MUL1: variants seen among roughly 807,000 people sequenced by gnomAD.
The protein encoded by MUL1 is mitochondrial E3 ubiquitin protein ligase 1, also known as mitochondrial ubiquitin ligase activator of NFKB 1.
A neutral mutation model predicts 34.1 loss-of-function variants in MUL1; 30 were observed. The ratio of observed to expected loss-of-function variants is 0.88; its 90% CI spans 0.66 to 1.19. The LOEUF (loss-of-function observed/expected upper bound fraction) is 1.19, where lower values mean the gene tolerates loss of function less well. MUL1 is among the 50% of genes most tolerant of loss of function. The pLI, the probability that MUL1 is intolerant of heterozygous loss-of-function variation, is 0.00. For synonymous variants in MUL1, 191 were observed against 187.8 expected (o/e 1.02, Z -0.14); for missense variants, 419 against 450.5 (o/e 0.93, Z 0.63).
rs1034425491 is a variant in MUL1, at chr1:20,501,597, A to G, written c.330-178T>C. 2.6e-5 allele frequency among the ~76,000 whole-genome samples: 4 copies of G among 152,334 alleles called. No individual in the cohort carries two copies. The highest frequency in any genetic ancestry group is 4.4e-5 in the Non-Finnish European group (3 of 68,030). On this transcript the variant is annotated intron_variant, in intron 3 of 3. Transcript: ENST00000264198. The surrounding 1 kb of genome is among the most constrained non-coding windows in gnomAD (Gnocchi z 4.2). ...GGCTCCATTTGTAGGTCCTGGGGCG[A>G]TATCAGTGGGCAACAAATAACCGCC...
rs1438907180 is a variant in MUL1, at chr1:20,502,652, G to GC, written c.209-464dup. On this transcript the variant is annotated intron_variant, in intron 2 of 3. Transcript: ENST00000264198. ...GGGTTCAAGCAATTCTCCTGCCTCA[G>GC]CCCCCCGAGTAGCTGGGATTACGGG... Among the ~76,000 whole-genome samples, 8 of 151,678 alleles carry GC rather than the reference G, an allele frequency of 5.3e-5. No homozygotes were observed. The South Asian group carries it at 1.5e-3, about 28-fold the overall frequency.
At chr1:20,507,420 C>T (rs2051726557) in intron 1 of MUL1, among the ~76,000 whole-genome samples, 1 of 152,166 alleles carries the variant, frequency 6.6e-6, no homozygotes, top group South Asian at 2.1e-4. Flanking sequence ...CCCTCATCTC[C>T]TCCTAGGCTC....
Position 20,500,772 on chromosome 1 carries a change from C to A in MUL1, c.977G>T (p.Cys326Phe), listed in dbSNP as rs1261289003. 4 of 1,613,960 alleles carry A rather than the reference C, an allele frequency of 2.5e-6. No homozygotes were observed. The highest frequency in any genetic ancestry group is 3.4e-6 in the Non-Finnish European group (4 of 1,179,976). The change falls in exon 4 of 4, where the codon TGC becomes TTC. Residue 326 changes from cysteine (C) to phenylalanine (F), a missense_variant. Transcript: ENST00000264198. ...ECGHVCSCTE[C>F]YRALPEPKKC... ...CTTGGGCTCTGGCAAGGCGCGGTAG[C>A]ACTCGGTGCAGGAACAAACGTGCCC...
At chr1:20,504,613 C>A (rs1364230169) in intron 1 of MUL1, among the ~76,000 whole-genome samples, 1 of 152,192 alleles carries the variant, frequency 6.6e-6, no homozygotes, top group Non-Finnish European at 1.5e-5. Context: ...ACCAAAATGA[C>A]AGCAATAACA....
chr1:20,500,922 T>A lies in MUL1; in HGVS notation c.827A>T (p.Gln276Leu). ...RQERLRLKQM[Q>L]EEFQEHEAQL... ...GGCCTCATGCTCCTGGAACTCCTCC[T>A]GCATCTGCTTGAGGCGCAGGCGCTC... The change falls in exon 4 of 4, where the codon CAG (glutamine) becomes CTG (leucine). Residue 276 changes from glutamine (Q) to leucine (L), a missense_variant. Coordinates refer to ENST00000264198, the MANE Select transcript of MUL1 (RefSeq NM_024544.3). 1 of 1,614,150 alleles carries A rather than the reference T, an allele frequency of 6.2e-7. No individual in the cohort carries two copies. Among genetic ancestry groups the A allele is most frequent in the Non-Finnish European group, 8.5e-7 (1 of 1,180,050 alleles).
rs368225783 is a variant in MUL1, at chr1:20,507,889, C to A, written c.120+16G>T. ...AGAGATGACCCGGCTGAGGCCAGGC[C>A]GGCTCCAGCACTGACCTTGAGCTCT... On this transcript the variant is annotated intron_variant, in intron 1 of 3. Coordinates refer to ENST00000264198, the MANE Select transcript of MUL1 (RefSeq NM_024544.3). 3.8e-6 allele frequency: 6 copies of A among 1,595,304 alleles called. No homozygotes were observed. The East Asian group carries it at 1.1e-4, about 30-fold the overall frequency.
rs2051641499 is a variant in MUL1, at chr1:20,500,374, C to T, written c.*316G>A. The T allele has an allele frequency of 4.4e-6, 1 of 227,502 alleles. No homozygotes were observed. The highest frequency in any genetic ancestry group is 9.0e-5 in the East Asian group (1 of 11,086). The allele number at this position is 227,502 out of a possible 1,614,324, so 14.1% of individuals were successfully genotyped here. On this transcript the variant is annotated 3_prime_UTR_variant, in exon 4 of 4. Coordinates refer to ENST00000264198, the MANE Select transcript of MUL1 (RefSeq NM_024544.3). ...ACAGGAACAGAAGAGCTGCTGATCACTGGCTTTGGTGCTTAAGTGATGAGG... is the reference window on the plus strand; with the variant it reads ...ACAGGAACAGAAGAGCTGCTGATCATTGGCTTTGGTGCTTAAGTGATGAGG...
Position 20,503,209 on chromosome 1 carries a change from T to C in MUL1, c.208+13A>G. On this transcript the variant is annotated intron_variant, in intron 2 of 3. Transcript: ENST00000264198. ...AAAGACGTTGTTTTCCATTGACCAA[T>C]AAGCAAACATACCTTCTATAACAGC... 6.4e-7 allele frequency: 1 copy of C among 1,551,334 alleles called. No homozygotes were observed. Among genetic ancestry groups the C allele is most frequent in the Non-Finnish European group, 8.8e-7 (1 of 1,137,718 alleles).
chr1:20,505,139 T>C (rs1254106924), intron 1 of MUL1, among the ~76,000 whole-genome samples: 2 of 152,142 alleles, frequency 1.3e-5, no homozygotes, highest in African/African-American at 2.4e-5. Flanking sequence ...ACAGGATTTT[T>C]ATGTGGGTTA....
Position 20,500,971 on chromosome 1 carries a change from G to T in MUL1, c.778C>A (p.Arg260=). The change falls in exon 4 of 4, where the codon CGG becomes AGG. Residue 260 remains arginine, a synonymous_variant. Coordinates refer to ENST00000264198, the MANE Select transcript of MUL1 (RefSeq NM_024544.3). ...TCCTGCCGCTGCAGATACTGCTTCC[G>T]GAGAATGAAGAAGAGGGTGGCACAT... is the stretch of plus-strand genomic sequence containing the variant. ...ATCATLFFIL[R]KQYLQRQERL... 6.2e-7 allele frequency: 1 copy of T among 1,614,042 alleles called. No individual in the cohort carries two copies. Among genetic ancestry groups the T allele is most frequent in the Non-Finnish European group, 8.5e-7 (1 of 1,180,044 alleles).
rs6700034 is a variant in MUL1, at chr1:20,508,117, C to A, written c.-93G>T. 173,769 of 1,466,014 alleles carry A rather than the reference C, an allele frequency of 0.12. 11,016 individuals carry two copies. The highest frequency in any genetic ancestry group is 0.15 in the Middle Eastern group (614 of 4,034). 90.8% of individuals were successfully genotyped at this position (1,466,014 alleles called of 1,614,324 possible). ...CTCCTTCCGACCAGGACCGCACCCC[C>A]CCGGCCTAACCTGACCGGAAACTCG... On this transcript the variant is annotated 5_prime_UTR_variant, in exon 1 of 4. Transcript: ENST00000264198.
chr1:20,502,443 G>A (rs1212301229), intron 2 of MUL1, among the ~76,000 whole-genome samples: 6 of 152,164 alleles, frequency 3.9e-5, no homozygotes, highest in African/African-American at 1.4e-4. Flanking sequence ...CAGATACTTG[G>A]GAGGCTGAGG....
rs897323695 is a variant in MUL1 at position 20,500,986 on chromosome 1, G to A, written c.763C>T (p.Leu255Phe). The A allele has an allele frequency of 8.7e-6, 14 of 1,613,940 alleles. No individual in the cohort carries two copies. Among genetic ancestry groups the A allele is most frequent in the Non-Finnish European group, 1.2e-5 (14 of 1,180,056 alleles). ...TACTGCTTCCGGAGAATGAAGAAGAGGGTGGCACATGTGGCAAAGCCAAAA... is the reference window on the plus strand; with the variant it reads ...TACTGCTTCCGGAGAATGAAGAAGAAGGTGGCACATGTGGCAAAGCCAAAA... ...LVFGFATCAT[L>F]FFILRKQYLQ... The change falls in exon 4 of 4, where the codon CTC (leucine) becomes TTC (phenylalanine). Residue 255 changes from leucine to phenylalanine, a missense_variant. Coordinates refer to ENST00000264198, the MANE Select transcript of MUL1 (RefSeq NM_024544.3).
At chr1:20,506,398 A>G (rs1329705015) in intron 1 of MUL1, among the ~76,000 whole-genome samples, 2 of 152,214 alleles carry the variant, frequency 1.3e-5, no homozygotes, top group East Asian at 3.8e-4. Context: ...GACCAGTCAG[A>G]TAGTCACAAT....
At chr1:20,505,686 G>A (rs1313039172) in intron 1 of MUL1, among the ~76,000 whole-genome samples, 2 of 150,020 alleles carry the variant, frequency 1.3e-5, no homozygotes, top group Admixed American at 6.7e-5. Flanking sequence ...AGGAAGGAAG[G>A]GAGGGAGAAA....
chr1:20,501,501 G>A lies in MUL1; in HGVS notation c.330-82C>T, dbSNP rs2101115511. On this transcript the variant is annotated intron_variant, in intron 3 of 3. Transcript: ENST00000264198. The surrounding 1 kb of genome is among the most constrained non-coding windows in gnomAD (Gnocchi z 4.2). The stretch of plus-strand genomic sequence containing the variant: ...AACTGGAGATCAACTAAATGTGGAG[G>A]ACAGCATATGGTCTGAAGTAACTGG... The A allele has an allele frequency of 6.8e-7, 1 of 1,463,498 alleles. No individual in the cohort carries two copies. The highest frequency in any genetic ancestry group is 1.3e-5 in the South Asian group (1 of 78,384). The allele number at this position is 1,463,498 out of a possible 1,614,324, so 90.7% of individuals were successfully genotyped here.
chr1:20,504,248 C>T (rs181825072), intron 1 of MUL1, among the ~76,000 whole-genome samples: 40 of 152,296 alleles, frequency 2.6e-4, no homozygotes, highest in Admixed American at 1.0e-3. Context: ...CTAACAATCC[C>T]TAGTTCTCCT....
intron 1 of MUL1, among the ~76,000 whole-genome samples, chr1:20,506,642 G>C (rs2101119647): frequency 6.6e-6 from 1 of 152,256 alleles, no homozygotes; most frequent in Non-Finnish European, 1.5e-5. Flanking sequence ...CTGAAGTCAG[G>C]AGTTGGAGAC....
rs368010200 is a variant in MUL1, at chr1:20,500,776, C to T, written c.973G>A (p.Glu325Lys). 5.0e-5 allele frequency: 81 copies of T among 1,613,906 alleles called. No individual in the cohort carries two copies. The highest frequency in any genetic ancestry group is 5.7e-5 in the Non-Finnish European group (67 of 1,180,018). ...LECGHVCSCT[E>K]CYRALPEPKK... ...GGCTCTGGCAAGGCGCGGTAGCACT[C>T]GGTGCAGGAACAAACGTGCCCACAC... The change falls in exon 4 of 4, where the codon GAG becomes AAG. Residue 325 changes from glutamate (E) to lysine (K), a missense_variant. Physicochemically the swap from Glu to Lys is moderately conservative, Grantham distance 56 (BLOSUM62 1). Transcript: ENST00000264198.
Sources: gnomAD v4.1 joint callset for allele counts (sites outside exome capture counted in the v4.1 genomes callset) on GRCh38, gnomAD v4.1.1 for gene constraint, Gnocchi (gnomAD v3.1) non-coding constraint, MANE v1.5 for transcripts, NCBI Gene and HGNC (gene_info 2026-07-23, HGNC 2026-07-21) for gene names.